The following FHIT variants were observed in gnomAD, a reference collection of about 807,000 sequenced individuals.
FHIT encodes the protein fragile histidine triad diadenosine triphosphatase, also known as bis(5'-adenosyl)-triphosphatase.
In FHIT, 19 loss-of-function variants were observed where a neutral mutation model predicts 17.9. The observed-to-expected ratio is 1.06, with a 90% CI of 0.74 to 1.56. The LOEUF is 1.56. Among genes scored for constraint, FHIT ranks in the 40% most tolerant of loss-of-function variants. The probability of loss-of-function intolerance (pLI) is 0.00; values close to 1 mark genes in which losing one functional copy is unlikely to be tolerated. For missense variants in FHIT, 248 were observed against 189.2 expected, an observed-to-expected ratio of 1.31 and a Z score of -1.82; for synonymous variants, 81 against 69.7, an observed-to-expected ratio of 1.16 and a Z score of -0.81.
At position 60,194,992 on chromosome 3, in the gene FHIT, G is replaced by A. The variant is rs866124801; in HGVS notation, c.104-180840C>T. Among the ~76,000 whole-genome samples, 21 of 152,046 alleles carry A rather than the reference G, an allele frequency of 1.4e-4. No homozygotes were observed. The South Asian group carries it at 4.1e-3, about 30-fold the overall frequency. ...ACCAGCCTGGCCAACATGGAGAAAC[G>A]CTGTAACAACTAAAAATACAAACAT... On this transcript the variant is annotated intron_variant, in intron 5 of 9. Transcript: ENST00000492590.
chr3:60,417,890 CAGA>C (rs1702311098), intron 5 of FHIT, among the ~76,000 whole-genome samples: 1 of 152,274 alleles, frequency 6.6e-6, no homozygotes, highest in Admixed American at 6.5e-5. Context: ...TGTCTCCTTT[CAGA>C]AGGTCTCAGC....
At chr3:60,119,981 C>T (rs1705172483) in intron 5 of FHIT, among the ~76,000 whole-genome samples, 1 of 152,040 alleles carries the variant, frequency 6.6e-6, no homozygotes, top group Non-Finnish European at 1.5e-5. Context: ...GTATCACAGT[C>T]ATCAGCTGCT....
At chr3:60,928,947 A>G (rs1553770851) in intron 3 of FHIT, among the ~76,000 whole-genome samples, 1 of 152,218 alleles carries the variant, frequency 6.6e-6, no homozygotes, top group African/African-American at 2.4e-5. Flanking sequence ...CCTGATGAAC[A>G]TCGATGCAGA....
At chr3:60,355,738 A>G (rs1378660596) in intron 5 of FHIT, among the ~76,000 whole-genome samples, 1 of 152,190 alleles carries the variant, frequency 6.6e-6, no homozygotes, top group African/African-American at 2.4e-5. Flanking sequence ...TTTTAAATTT[A>G]TCTTGACAAA....
At chr3:60,159,037 T>C (rs913235106) in intron 5 of FHIT, among the ~76,000 whole-genome samples, 1 of 152,126 alleles carries the variant, frequency 6.6e-6, no homozygotes, top group Non-Finnish European at 1.5e-5. Context: ...CTAACCTTTT[T>C]CATTATTACC....
intron 5 of FHIT, among the ~76,000 whole-genome samples, chr3:60,137,621 G>A (rs1239780361): frequency 6.6e-6 from 1 of 152,178 alleles, no homozygotes; most frequent in African/African-American, 2.4e-5. Flanking sequence ...AGCTTGTCAG[G>A]CATGATGTCC....
chr3:60,854,477 A>G (rs1037339671), intron 3 of FHIT, among the ~76,000 whole-genome samples: 7 of 151,728 alleles, frequency 4.6e-5, no homozygotes, highest in South Asian at 2.1e-4. Flanking sequence ...TTTGTTTTTC[A>G]TGCAACAAGA....
At chr3:59,945,479 C>T (rs1706754562) in intron 7 of FHIT, among the ~76,000 whole-genome samples, 1 of 150,536 alleles carries the variant, frequency 6.6e-6, no homozygotes, top group Non-Finnish European at 1.5e-5. Flanking sequence ...TGTCTGTTTA[C>T]TCTGTTGATA....
At chr3:59,841,238 G>C (rs766541162) in intron 8 of FHIT, among the ~76,000 whole-genome samples, 1 of 152,082 alleles carries the variant, frequency 6.6e-6, no homozygotes, top group Non-Finnish European at 1.5e-5. Flanking sequence ...TATGTGTGTG[G>C]GGTGGGGCTG....
chr3:60,374,773 T>C (rs765066545), intron 5 of FHIT, among the ~76,000 whole-genome samples: 12 of 152,100 alleles, frequency 7.9e-5, no homozygotes, highest in Non-Finnish European at 1.5e-4. Flanking sequence ...TAGAATATTT[T>C]CTCAACGTTG....
At position 60,886,183 on chromosome 3, in the gene FHIT, T is replaced by C. The variant is rs546887823; in HGVS notation, c.-110-64172A>G. On this transcript the variant is annotated intron_variant, in intron 3 of 9. Transcript: ENST00000492590. ...GGGGTTTATTTGACAAATTTGATTA[T>C]CTTATTTGGGGGTTAATACCATGAA... Among the ~76,000 whole-genome samples, 15 of 152,326 alleles carry C rather than the reference T, an allele frequency of 9.8e-5. No individual in the cohort carries two copies. The South Asian group carries it at 2.5e-3, about 25-fold the overall frequency.
chr3:60,204,444 G>GTTTTTTT (rs56126245), intron 5 of FHIT, among the ~76,000 whole-genome samples: 2 of 115,016 alleles, frequency 1.7e-5, no homozygotes, highest in Non-Finnish European at 3.8e-5. Flanking sequence ...TAATATTCTG[G>GTTTTTTT]TTTTTTTTTT....
intron 3 of FHIT, among the ~76,000 whole-genome samples, chr3:60,879,983 T>A (rs1553757538): frequency 6.6e-6 from 1 of 151,972 alleles, no homozygotes; most frequent in Non-Finnish European, 1.5e-5. Flanking sequence ...AATTATCTAA[T>A]AGCTGAAAAT....
chr3:59,798,371 G>A (rs1699864063), intron 8 of FHIT, among the ~76,000 whole-genome samples: 1 of 152,198 alleles, frequency 6.6e-6, no homozygotes, highest in Admixed American at 6.5e-5. Context: ...GAGCAAGATA[G>A]CAGGAGGAAA....
intron 3 of FHIT, among the ~76,000 whole-genome samples, chr3:60,895,265 T>C (rs1177099269): frequency 6.6e-6 from 1 of 152,212 alleles, no homozygotes; most frequent in Non-Finnish European, 1.5e-5. Flanking sequence ...ACCTAAGTGA[T>C]AGCATATCCT....
chr3:59,809,656 G>T (rs930829064), intron 8 of FHIT, among the ~76,000 whole-genome samples: 20 of 152,130 alleles, frequency 1.3e-4, no homozygotes, highest in African/African-American at 4.6e-4. Flanking sequence ...AAACAAATAG[G>T]GTCTGATTTC....
At chr3:59,855,749 T>C (rs1357949779) in intron 8 of FHIT, among the ~76,000 whole-genome samples, 2 of 152,076 alleles carry the variant, frequency 1.3e-5, no homozygotes, top group South Asian at 2.1e-4. Flanking sequence ...CAAAAGTAGA[T>C]TCTTTGATAA....
chr3:61,008,250 T>C (rs1437290848), intron 3 of FHIT, among the ~76,000 whole-genome samples: 3 of 152,222 alleles, frequency 2.0e-5, no homozygotes, highest in Non-Finnish European at 4.4e-5. Context: ...CCACAGTGTT[T>C]TATAAGCACA....
At chr3:61,152,532 T>C (rs1231563779) in intron 2 of FHIT, among the ~76,000 whole-genome samples, 3 of 152,180 alleles carry the variant, frequency 2.0e-5, no homozygotes, top group Non-Finnish European at 4.4e-5. Flanking sequence ...GACATGAATA[T>C]GGTAAATACA....
Sources: gnomAD v4.1 joint callset for allele counts (sites outside exome capture counted in the v4.1 genomes callset) on GRCh38, gnomAD v4.1.1 for gene constraint, MANE v1.5 for transcripts, NCBI Gene and HGNC (gene_info 2026-07-23, HGNC 2026-07-21) for gene names.